The following PREX1 variants were observed in gnomAD, a reference collection of about 807,000 sequenced individuals.
PREX1 encodes phosphatidylinositol 3,4,5-trisphosphate-dependent Rac exchanger 1 protein.
Under a neutral mutation model 198.3 loss-of-function variants are expected in PREX1, and 41 were observed. The observed-to-expected ratio is 0.21, with a 90% CI of 0.16 to 0.27. The LOEUF (loss-of-function observed/expected upper bound fraction) is 0.27, where lower values mean the gene tolerates loss of function less well. Among genes scored for constraint, PREX1 ranks in the 10% least tolerant of loss-of-function variants. The pLI, the probability that PREX1 is intolerant of heterozygous loss-of-function variation, is 1.00. For missense variants in PREX1, 1,620 were observed against 2,200.7 expected, an observed-to-expected ratio of 0.74 and a Z score of 5.28; for synonymous variants, 843 against 887.2, an observed-to-expected ratio of 0.95 and a Z score of 0.89.
intron 9 of PREX1, among the ~76,000 whole-genome samples, chr20:48,690,509 A>T (rs2089812938): frequency 6.7e-6 from 1 of 150,134 alleles, no homozygotes. Context: ...AATTATATCC[A>T]GCCCCTGCAC....
intron 33 of PREX1, among the ~76,000 whole-genome samples, 162 bp downstream of exon 33, chr20:48,634,514 C>T (rs2089345748): frequency 6.6e-6 from 1 of 152,212 alleles, no homozygotes; most frequent in African/African-American, 2.4e-5. Flanking sequence ...AAGTTCGGCT[C>T]TCACACTCAT....
intron 1 of PREX1, among the ~76,000 whole-genome samples, chr20:48,814,909 A>G (rs577747700): frequency 6.6e-6 from 1 of 152,334 alleles, no homozygotes; most frequent in South Asian, 2.1e-4. Flanking sequence ...TGCCTGTAGG[A>G]GATGCACTTG....
At chr20:48,641,981 T>C in intron 29 of PREX1, 187 bp downstream of exon 29, 1 of 533,132 alleles carries the variant, frequency 1.9e-6, no homozygotes, top group Non-Finnish European at 3.3e-6. Context: ...AAAGAACCAT[T>C]CTTGGCTCAG....
chr20:48,798,990 G>A (rs1034908578), intron 1 of PREX1, among the ~76,000 whole-genome samples: 5 of 152,020 alleles, frequency 3.3e-5, no homozygotes, highest in Admixed American at 2.6e-4. Flanking sequence ...TCCACCTCCC[G>A]AGTTCAAGCA....
intron 1 of PREX1, among the ~76,000 whole-genome samples, chr20:48,762,954 T>A (rs1301667031): frequency 6.6e-6 from 1 of 152,190 alleles, no homozygotes; most frequent in African/African-American, 2.4e-5. Flanking sequence ...GCACCTGCCT[T>A]GGCCTCCCAA....
chr20:48,843,377 T>C, the PREX1 span, among the ~76,000 whole-genome samples: 5 of 152,120 alleles, frequency 3.3e-5, no homozygotes, highest in Non-Finnish European at 7.4e-5. Context: ...CAGGCCTGAG[T>C]CATGTATTTT....
In PREX1 at chr20:48,666,258, C is replaced by T. The variant is rs117698396; in HGVS notation, c.1738+25G>A. 70 of 1,546,344 alleles carry T rather than the reference C, an allele frequency of 4.5e-5. No individual in the cohort carries two copies. Among genetic ancestry groups the T allele is most frequent in the Non-Finnish European group, 5.8e-5 (66 of 1,143,956 alleles). On this transcript the variant is annotated intron_variant, in intron 15 of 39. Transcript: ENST00000371941. The surrounding 1 kb of genome is among the most constrained non-coding windows in gnomAD (Gnocchi z 4.3). ...GCTCCAGGGAGCAAGGTCCCGGGGG[C>T]TGGGCTGCAGGTGGGGGTGGTTACC... is the stretch of plus-strand genomic sequence containing the variant.
chr20:48,664,425 G>A (rs1201876438), intron 15 of PREX1, among the ~76,000 whole-genome samples: 1 of 152,068 alleles, frequency 6.6e-6, no homozygotes. Flanking sequence ...GTGATGACGG[G>A]GAGGAGCTAT....
the PREX1 span, among the ~76,000 whole-genome samples, chr20:48,856,654 T>C: frequency 6.6e-6 from 1 of 152,174 alleles, no homozygotes; most frequent in East Asian, 1.9e-4. Context: ...CCTAAAAGGT[T>C]GTTACTTCCC....
intron 1 of PREX1, among the ~76,000 whole-genome samples, chr20:48,818,822 G>A (rs114146285): frequency 6.6e-6 from 1 of 152,184 alleles, no homozygotes; most frequent in Non-Finnish European, 1.5e-5. Flanking sequence ...GGTTCATCTC[G>A]CATCAACAGC....
At chr20:48,790,368 C>T (rs1175637358) in intron 1 of PREX1, among the ~76,000 whole-genome samples, 1 of 152,042 alleles carries the variant, frequency 6.6e-6, no homozygotes, top group African/African-American at 2.4e-5. Context: ...GAGCCTCCCC[C>T]GAAAGTAGGA....
At chr20:48,690,699 AG>A (rs2123044526) in intron 9 of PREX1, among the ~76,000 whole-genome samples, 1 of 152,220 alleles carries the variant, frequency 6.6e-6, no homozygotes, top group African/African-American at 2.4e-5. Context: ...CTAATGCTTA[AG>A]GGTGAAGACC....
intron 1 of PREX1, among the ~76,000 whole-genome samples, chr20:48,786,435 G>A (rs1166324462): frequency 6.6e-6 from 1 of 151,920 alleles, no homozygotes; most frequent in Admixed American, 6.6e-5. Flanking sequence ...GCGGGGAAAC[G>A]GGATAGGGTA....
chr20:48,859,661 T>A, the PREX1 span, among the ~76,000 whole-genome samples: 3 of 152,188 alleles, frequency 2.0e-5, no homozygotes, highest in East Asian at 5.8e-4. Flanking sequence ...CTCAAAAAAT[T>A]AAAATTAGGA....
At chr20:48,862,698 T>C in the PREX1 span, among the ~76,000 whole-genome samples, 1 of 148,376 alleles carries the variant, frequency 6.7e-6, no homozygotes, top group South Asian at 2.1e-4. Context: ...GAATGAAAAA[T>C]TGGAAACAAC....
At chr20:48,864,880 A>G in the PREX1 span, among the ~76,000 whole-genome samples, 1 of 152,178 alleles carries the variant, frequency 6.6e-6, no homozygotes, top group African/African-American at 2.4e-5. Context: ...CCTGTGTGCA[A>G]TCAGATCACC....
At chr20:48,791,306 C>T (rs1477563884) in intron 1 of PREX1, among the ~76,000 whole-genome samples, 3 of 152,202 alleles carry the variant, frequency 2.0e-5, no homozygotes, top group Non-Finnish European at 4.4e-5. Context: ...GTAATAATAA[C>T]GGTGGCTGAC....
rs1455001108 is a variant in PREX1, at chr20:48,745,242, T to C, written c.292-95A>G. 13 of 1,376,892 alleles carry C rather than the reference T, an allele frequency of 9.4e-6. 1 individual carries two copies. The highest frequency in any genetic ancestry group is 3.8e-4 in the Middle Eastern group (2 of 5,204). The allele number at this position is 1,376,892 out of a possible 1,614,324, so 85.3% of individuals were successfully genotyped here. A position where few individuals can be genotyped will look rare whatever the true frequency, so the allele number is the denominator to read the frequency against. The stretch of plus-strand genomic sequence containing the variant: ...AATACAAACCTCGGTGCGGGTGACA[T>C]TGTAGTCAAAGAAGAACTCTCAAAC... On this transcript the variant is annotated intron_variant, in intron 2 of 39. Coordinates refer to ENST00000371941, the MANE Select transcript of PREX1 (RefSeq NM_020820.4).
intron 6 of PREX1, among the ~76,000 whole-genome samples, chr20:48,702,185 G>A (rs994476770): frequency 4.7e-5 from 7 of 150,414 alleles, no homozygotes; most frequent in African/African-American, 7.4e-5. Flanking sequence ...TCCAGCCTGG[G>A]CGACTGAGCA....
Sources: gnomAD v4.1 joint callset for allele counts (sites outside exome capture counted in the v4.1 genomes callset) on GRCh38, gnomAD v4.1.1 for gene constraint, Gnocchi (gnomAD v3.1) non-coding constraint, MANE v1.5 for transcripts, NCBI Gene and HGNC (gene_info 2026-07-23, HGNC 2026-07-21) for gene names.